SLC35E3: variants seen among roughly 807,000 people sequenced by gnomAD.
SLC35E3 encodes the protein bladder cancer-overexpressed gene 1 protein.
Under a neutral mutation model 30.8 loss-of-function variants are expected in SLC35E3, and 28 were observed. The ratio of observed to expected loss-of-function variants is 0.91; its 90% confidence interval spans 0.67 to 1.25. SLC35E3 has a LOEUF of 1.25. Ranked by LOEUF, SLC35E3 falls within the 50% of genes most tolerant of loss-of-function variation. SLC35E3 has a pLI of 0.00. For missense variants in SLC35E3, 365 were observed against 375.4 expected, an observed-to-expected ratio of 0.97 and a Z score of 0.23; for synonymous variants, 146 against 149.2, an observed-to-expected ratio of 0.98 and a Z score of 0.16.
chr12:68,748,728 A>G (rs1878688281), intron 2 of SLC35E3, among the ~76,000 whole-genome samples: 1 of 152,246 alleles, frequency 6.6e-6, no homozygotes, highest in Non-Finnish European at 1.5e-5. Flanking sequence ...TGTAGGGGAC[A>G]GTGAAACGGT....
rs560785396 is a variant in SLC35E3, at chr12:68,775,817, G to C, written c.*10927G>C. 6.6e-6 allele frequency: 1 copy of C among 150,724 alleles called. No homozygotes were observed. Among genetic ancestry groups the C allele is most frequent in the Non-Finnish European group, 1.5e-5 (1 of 67,834 alleles). The allele number at this position is 150,724 out of a possible 1,614,324, so 9.3% of individuals were successfully genotyped here. On this transcript the variant is annotated 3_prime_UTR_variant, in exon 5 of 5. Transcript: ENST00000398004. ...ATAAAAATTAGCCAGGCATGCTGGC[G>C]TGTGCCTGTAATCCCAGCTGCTCAG... is the stretch of plus-strand genomic sequence containing the variant.
chr12:68,766,340 G>A lies in SLC35E3; in HGVS notation c.*1450G>A, dbSNP rs150935121. The A allele has an allele frequency of 0.014, 2,134 of 152,306 alleles. 28 individuals are homozygous for A. Among genetic ancestry groups the A allele is most frequent in the Non-Finnish European group, 0.024 (1,638 of 68,218 alleles). The allele number at this position is 152,306 out of a possible 1,614,324, so 9.4% of individuals were successfully genotyped here. On this transcript the variant is annotated 3_prime_UTR_variant, in exon 5 of 5. Transcript: ENST00000398004. ...CGTCTCTACTAAAAATACAAAATTA[G>A]CCAGGCATGGTGGCACATGCCTGTA...
At chr12:68,755,394 A>G (rs1308480644) in intron 3 of SLC35E3, among the ~76,000 whole-genome samples, 1 of 152,194 alleles carries the variant, frequency 6.6e-6, no homozygotes, top group Non-Finnish European at 1.5e-5. Flanking sequence ...AAGCACCTAT[A>G]TAGCCCTTAG....
chr12:68,763,671 A>T (rs1879295973), intron 4 of SLC35E3, among the ~76,000 whole-genome samples: 1 of 151,902 alleles, frequency 6.6e-6, no homozygotes, highest in Non-Finnish European at 1.5e-5. Flanking sequence ...TTAGGATTAG[A>T]GGCGTGAGCC....
At position 68,765,147 on chromosome 12, in the gene SLC35E3, T is replaced by C; in HGVS notation, c.*257T>C. On this transcript the variant is annotated 3_prime_UTR_variant, in exon 5 of 5. Coordinates refer to ENST00000398004, the MANE Select transcript of SLC35E3 (RefSeq NM_018656.5). Reference sequence around the variant, plus strand: ...GGCGCATGCCTGTAATCCCAGCTACTCGGGAGGCTGAGGCAGGAGAATCAC... The same window carrying C: ...GGCGCATGCCTGTAATCCCAGCTACCCGGGAGGCTGAGGCAGGAGAATCAC... The C allele has an allele frequency of 4.4e-6, 1 of 225,824 alleles. No individual in the cohort carries two copies. The highest frequency in any genetic ancestry group is 8.7e-6 in the Non-Finnish European group (1 of 114,512). 14.0% of individuals were successfully genotyped at this position (225,824 alleles called of 1,614,324 possible).
Position 68,759,354 on chromosome 12 carries a change from G to A in SLC35E3, c.755+115G>A, listed in dbSNP as rs1475268348. Reference sequence around the variant, plus strand: ...TATTGCATGGCCTAAATTGAGTAGAGAGAGTTATTTTTAGCCTTTTACTGT... The same window carrying A: ...TATTGCATGGCCTAAATTGAGTAGAAAGAGTTATTTTTAGCCTTTTACTGT... On this transcript the variant is annotated intron_variant, in intron 4 of 4. Coordinates refer to ENST00000398004, the MANE Select transcript of SLC35E3 (RefSeq NM_018656.5). 4 of 749,130 alleles carry A rather than the reference G, an allele frequency of 5.3e-6. No individual in the cohort carries two copies. The Admixed American group carries it at 9.8e-5, about 18-fold the overall frequency. The allele number at this position is 749,130 out of a possible 1,614,324, so 46.4% of individuals were successfully genotyped here. A position where few individuals can be genotyped will look rare whatever the true frequency, so the allele number is the denominator to read the frequency against.
At chr12:68,757,354 T>G (rs1189133725) in intron 3 of SLC35E3, among the ~76,000 whole-genome samples, 1 of 152,188 alleles carries the variant, frequency 6.6e-6, no homozygotes, top group Non-Finnish European at 1.5e-5. Flanking sequence ...AAGTATCAAG[T>G]TTAAGTTTTC....
rs552599525 is a variant in SLC35E3 at position 68,766,450 on chromosome 12, C to G, written c.*1560C>G. 4 of 162,994 alleles carry G rather than the reference C, an allele frequency of 2.5e-5. No individual in the cohort carries two copies. Among genetic ancestry groups the G allele is most frequent in the African/African-American group, 7.6e-5 (3 of 39,660 alleles). The allele number at this position is 162,994 out of a possible 1,614,324, so 10.1% of individuals were successfully genotyped here. A position where few individuals can be genotyped will look rare whatever the true frequency, so the allele number is the denominator to read the frequency against. ...GTGGTGAGCCGAGATCATGCCATTG[C>G]TCTCCAGCCTGGGCAACAAGAGTGA... On this transcript the variant is annotated 3_prime_UTR_variant, in exon 5 of 5. Transcript: ENST00000398004.
intron 4 of SLC35E3, among the ~76,000 whole-genome samples, chr12:68,763,194 C>A (rs1470914037): frequency 6.6e-6 from 1 of 152,178 alleles, no homozygotes; most frequent in Non-Finnish European, 1.5e-5. Flanking sequence ...TTAATCCTTA[C>A]AATAACCGTG....
chr12:68,758,596 CA>C (rs1879117443), intron 3 of SLC35E3, among the ~76,000 whole-genome samples: 1 of 151,886 alleles, frequency 6.6e-6, no homozygotes. Context: ...CCTGGAAATT[CA>C]CAATCACAGA....
At position 68,766,975 on chromosome 12, in the gene SLC35E3, G is replaced by A. The variant is rs1294250346; in HGVS notation, c.*2085G>A. The A allele has an allele frequency of 4.8e-6, 1 of 210,400 alleles. No individual in the cohort carries two copies. The highest frequency in any genetic ancestry group is 2.4e-5 in the African/African-American group (1 of 42,552). 13.0% of individuals were successfully genotyped at this position (210,400 alleles called of 1,614,324 possible). On this transcript the variant is annotated 3_prime_UTR_variant, in exon 5 of 5. Transcript: ENST00000398004. ...GCTTTCTGTGGTACTGAAACACTTG[G>A]AGTGAACTGCAAACTTGGAGTGAAC...
intron 4 of SLC35E3, among the ~76,000 whole-genome samples, chr12:68,760,635 A>G (rs987702879): frequency 2.0e-5 from 3 of 152,218 alleles, no homozygotes; most frequent in Admixed American, 6.5e-5. Context: ...CAAGGCATCC[A>G]AATATGTGCT....
At position 68,766,902 on chromosome 12, in the gene SLC35E3, A is replaced by G; in HGVS notation, c.*2012A>G. ...ACCTGGCCAGTAATTTCTTAATCCT[A>G]CCTCCCTGCTTCTATTGCCTAGCCC... On this transcript the variant is annotated 3_prime_UTR_variant, in exon 5 of 5. Coordinates refer to ENST00000398004, the MANE Select transcript of SLC35E3 (RefSeq NM_018656.5). The G allele has an allele frequency of 2.9e-6, 1 of 339,122 alleles. No individual in the cohort carries two copies. The highest frequency in any genetic ancestry group is 6.2e-6 in the Non-Finnish European group (1 of 161,654). The allele number at this position is 339,122 out of a possible 1,614,324, so 21.0% of individuals were successfully genotyped here.
rs1474005837 is a variant in SLC35E3, at chr12:68,764,907, A to G, written c.*17A>G. ...CGTCCTTAATTGGGTTTTTGTGGAG[A>G]AAAGAATGTTGTCCCAAGAAGATAA... On this transcript the variant is annotated 3_prime_UTR_variant, in exon 5 of 5. Coordinates refer to ENST00000398004, the MANE Select transcript of SLC35E3 (RefSeq NM_018656.5). 6.2e-7 allele frequency: 1 copy of G among 1,608,564 alleles called. No individual in the cohort carries two copies. Among genetic ancestry groups the G allele is most frequent in the South Asian group, 1.1e-5 (1 of 90,314 alleles).
chr12:68,761,227 G>A (rs1879222143), intron 4 of SLC35E3, among the ~76,000 whole-genome samples: 1 of 152,126 alleles, frequency 6.6e-6, no homozygotes, highest in African/African-American at 2.4e-5. Flanking sequence ...GAGCAGAGAA[G>A]TAACATGATT....
chr12:68,763,480 C>T (rs1879290871), intron 4 of SLC35E3, among the ~76,000 whole-genome samples: 1 of 151,192 alleles, frequency 6.6e-6, no homozygotes, highest in Non-Finnish European at 1.5e-5. Context: ...ACCTCCGCCT[C>T]CCAGGTTCAA....
At chr12:68,756,355 A>G (rs1011423259) in intron 3 of SLC35E3, among the ~76,000 whole-genome samples, 1 of 150,518 alleles carries the variant, frequency 6.6e-6, no homozygotes, top group African/African-American at 2.4e-5. Flanking sequence ...GGCTGAGGCC[A>G]TTTAGTGTGA....
At position 68,752,016 on chromosome 12, in the gene SLC35E3, A is replaced by G. The variant is rs368649485; in HGVS notation, c.514-16A>G. On this transcript the variant is annotated splice_polypyrimidine_tract_variant and intron_variant, in intron 2 of 4. Transcript: ENST00000398004. ...ATTTCTTTTGTGCCAGACATGTTTT[A>G]TCTCCTAATTTTCAGTGGGTAGGAG... 3.2e-6 allele frequency: 5 copies of G among 1,562,942 alleles called. No homozygotes were observed. The highest frequency in any genetic ancestry group is 2.8e-5 in the African/African-American group (2 of 72,592).
In SLC35E3 at chr12:68,746,620, C is replaced by G. The variant is rs1354530745; in HGVS notation, c.243C>G (p.Ala81=). 2 of 1,614,248 alleles carry G rather than the reference C, an allele frequency of 1.2e-6. No individual in the cohort carries two copies. Among genetic ancestry groups the G allele is most frequent in the Middle Eastern group, 3.3e-4 (2 of 6,062 alleles). The change falls in exon 1 of 5, where the codon GCC becomes GCG. Residue 81 remains alanine (A), a synonymous_variant. Transcript: ENST00000398004. ...CGCCCTCCAGGCTCCTCCTCCTGGC[C>G]CTCAGCTTCTGTGGCTTTGTGGTCT... is the stretch of plus-strand genomic sequence containing the variant. ...SLPPSRLLLL[A]LSFCGFVVFT...
Sources: allele counts gnomAD v4.1 joint callset (sites outside exome capture counted in the v4.1 genomes callset), GRCh38; gene constraint gnomAD v4.1.1; transcripts MANE v1.5; gene names NCBI Gene and HGNC (gene_info 2026-07-23, HGNC 2026-07-21).